The following RUSC2 variants were observed in gnomAD, a reference collection of about 807,000 sequenced individuals.
RUSC2 encodes AP-4 complex accessory subunit RUSC2.
In RUSC2, 34 loss-of-function variants were observed where a neutral mutation model predicts 122.2. That is an observed-to-expected ratio of 0.28 (90% CI 0.21 to 0.37). RUSC2 has a LOEUF of 0.37. RUSC2 is among the 10% of genes least tolerant of loss of function. The probability of loss-of-function intolerance (pLI) is 1.00; values close to 1 mark genes in which losing one functional copy is unlikely to be tolerated. For synonymous variants in RUSC2, 784 were observed against 790.0 expected, an observed-to-expected ratio of 0.99 and a Z score of 0.13; for missense variants, 1,747 against 1,952.4, an observed-to-expected ratio of 0.89 and a Z score of 1.98.
chr9:35,499,646 A>G (rs937399026), intron 1 of RUSC2, among the ~76,000 whole-genome samples: 6 of 152,194 alleles, frequency 3.9e-5, no homozygotes, highest in South Asian at 2.1e-4. Flanking sequence ...TTATCTTAGG[A>G]TCCAAAAAAA....
intron 1 of RUSC2, among the ~76,000 whole-genome samples, chr9:35,494,295 ATC>A (rs898028859): frequency 4.6e-5 from 7 of 152,086 alleles, no homozygotes; most frequent in African/African-American, 1.4e-4. Flanking sequence ...GTAAAACTCC[ATC>A]TCTACTGAAA....
Position 35,555,459 on chromosome 9 carries a change from C to A in RUSC2, c.2414C>A (p.Pro805Gln), listed in dbSNP as rs1466010960. ...GCCTCCACTTCGTGCTCCCCTCCCC[C>A]AGAGCAGCCCACAGCCACAGAAAGC... The part of the protein sequence containing the change: ...SSASTSCSPP[P>Q]EQPTATESLP... Residue 805 changes from proline to glutamine, a missense_variant, in exon 3 of 12, where the codon CCA becomes CAA. Transcript: ENST00000361226. This position sits in a 1 kb window ranked among gnomAD's most constrained non-coding sequence, Gnocchi z 4.6. 2 of 1,614,268 alleles carry A rather than the reference C, an allele frequency of 1.2e-6. No homozygotes were observed. Among genetic ancestry groups the A allele is most frequent in the South Asian group, 1.1e-5 (1 of 91,090 alleles).
chr9:35,558,127 G>GA lies in RUSC2; in HGVS notation c.3061-69dup. The GA allele has an allele frequency of 1.3e-6, 2 of 1,590,916 alleles. No homozygotes were observed. The highest frequency in any genetic ancestry group is 8.6e-7 in the Non-Finnish European group (1 of 1,164,842). ...ATGGGGACGGCAAGAGGGGAACCATGAGGGCCTGCTACGAGAGGACCACAG... is the reference window on the plus strand; with the variant it reads ...ATGGGGACGGCAAGAGGGGAACCATGAAGGGCCTGCTACGAGAGGACCACAG... On this transcript the variant is annotated intron_variant, in intron 6 of 11. Coordinates refer to ENST00000361226, the MANE Select transcript of RUSC2 (RefSeq NM_014806.5). The surrounding 1 kb of genome is among the most constrained non-coding windows in gnomAD (Gnocchi z 4.3).
At chr9:35,531,535 A>G (rs544111147) in intron 1 of RUSC2, among the ~76,000 whole-genome samples, 1 of 152,352 alleles carries the variant, frequency 6.6e-6, no homozygotes, top group East Asian at 1.9e-4. Flanking sequence ...CTCTGGAATC[A>G]GACAGGTCTT....
chr9:35,517,956 A>G (rs1821140996), intron 1 of RUSC2, among the ~76,000 whole-genome samples: 1 of 152,212 alleles, frequency 6.6e-6, no homozygotes, highest in Non-Finnish European at 1.5e-5. Flanking sequence ...GAGCTTTGAG[A>G]GAACAGGTAC....
In RUSC2 at chr9:35,548,399, C is replaced by A. The variant is rs773892257; in HGVS notation, c.1878C>A (p.His626Gln). ...CCACCCAGGTCTGTCAGGGACCCCA[C>A]TCCAGTGAGATGCCTCCTGCTGGCC... ...PWSTQVCQGP[H>Q]SSEMPPAGLR... Residue 626 changes from histidine to glutamine, a missense_variant, in exon 2 of 12, where the codon CAC becomes CAA. Physicochemically the swap from His to Gln is conservative, Grantham distance 24 (BLOSUM62 0). Transcript: ENST00000361226. This position sits in a 1 kb window ranked among gnomAD's most constrained non-coding sequence, Gnocchi z 4.5. 1 of 1,614,082 alleles carries A rather than the reference C, an allele frequency of 6.2e-7. No individual in the cohort carries two copies. Among genetic ancestry groups the A allele is most frequent in the Non-Finnish European group, 8.5e-7 (1 of 1,180,032 alleles).
chr9:35,561,747 TG>T lies in RUSC2; in HGVS notation c.*369del. ...TGGAGATGAGGATGGGTAACAGTATTGGGGCCAGATCCCTAAGCCCCCCAGC... is the reference window on the plus strand; with the variant it reads ...TGGAGATGAGGATGGGTAACAGTATTGGGCCAGATCCCTAAGCCCCCCAGC... On this transcript the variant is annotated 3_prime_UTR_variant, in exon 12 of 12. Transcript: ENST00000361226. 1.8e-6 allele frequency: 1 copy of T among 546,204 alleles called. No individual in the cohort carries two copies. The highest frequency in any genetic ancestry group is 3.2e-6 in the Non-Finnish European group (1 of 309,928). 33.8% of individuals were successfully genotyped at this position (546,204 alleles called of 1,614,324 possible).
rs112943375 is a variant in RUSC2 at position 35,554,056 on chromosome 9, T to A, written c.2015-1004T>A. ...TTCCTAATATGTCAAGTAAGAGAAC[T>A]AATTCCCGCCTCGCAGAGCTACTGA... On this transcript the variant is annotated intron_variant, in intron 2 of 11. Coordinates refer to ENST00000361226, the MANE Select transcript of RUSC2 (RefSeq NM_014806.5). 7.5e-4 allele frequency among the ~76,000 whole-genome samples: 114 copies of A among 152,342 alleles called. 3 individuals carry two copies. The highest frequency in any genetic ancestry group is 2.5e-3 in the African/African-American group (103 of 41,580).
chr9:35,509,514 A>T (rs1820975936), intron 1 of RUSC2, among the ~76,000 whole-genome samples: 1 of 152,130 alleles, frequency 6.6e-6, no homozygotes, highest in African/African-American at 2.4e-5. Context: ...TCCTTTCTAT[A>T]TATTTTCCCG....
rs4878619 is a variant in RUSC2 at position 35,557,209 on chromosome 9, T to C, written c.2984-705T>C. ...AGATGGAGAGAACTGAGCATAATTG[T>C]GGGCTGAAGATGAGCCTGTGAAGAG... On this transcript the variant is annotated intron_variant, in intron 5 of 11. Coordinates refer to ENST00000361226, the MANE Select transcript of RUSC2 (RefSeq NM_014806.5). The surrounding 1 kb of genome is among the most constrained non-coding windows in gnomAD (Gnocchi z 4.6). Among the ~76,000 whole-genome samples the C allele has an allele frequency of 0.2, 30,791 of 152,028 alleles. 3,913 individuals carry two copies. Among genetic ancestry groups the C allele is most frequent in the Non-Finnish European group, 0.28 (18,701 of 67,952 alleles).
At chr9:35,515,034 C>A (rs1821077228) in intron 1 of RUSC2, among the ~76,000 whole-genome samples, 3 of 152,136 alleles carry the variant, frequency 2.0e-5, no homozygotes, top group African/African-American at 7.2e-5. Context: ...TATCAGGGTT[C>A]TGTTAATTTG....
rs1253891463 is a variant in RUSC2 at position 35,548,382 on chromosome 9, G to C, written c.1861G>C (p.Val621Leu). ...PDPSPPWSTQ[V>L]CQGPHSSEMP... ...CCCAAGTCCACCCTGGTCCACCCAGGTCTGTCAGGGACCCCACTCCAGTGA... is the reference window on the plus strand; with the variant it reads ...CCCAAGTCCACCCTGGTCCACCCAGCTCTGTCAGGGACCCCACTCCAGTGA... Residue 621 changes from valine to leucine, a missense_variant, in exon 2 of 12, where the codon GTC becomes CTC. Transcript: ENST00000361226. This position sits in a 1 kb window ranked among gnomAD's most constrained non-coding sequence, Gnocchi z 4.5. 1 of 1,614,028 alleles carries C rather than the reference G, an allele frequency of 6.2e-7. No homozygotes were observed. Among genetic ancestry groups the C allele is most frequent in the Non-Finnish European group, 8.5e-7 (1 of 1,180,028 alleles).
Position 35,549,256 on chromosome 9 carries a change from T to TAAC in RUSC2, c.2014+732_2014+734dup, listed in dbSNP as rs1221013588. On this transcript the variant is annotated intron_variant, in intron 2 of 11. Coordinates refer to ENST00000361226, the MANE Select transcript of RUSC2 (RefSeq NM_014806.5). ...CTAAGGGGCAACCAAGGGATATGTC[T>TAAC]AACAACAACAACACACACACACTGG... The TAAC allele has an allele frequency of 8.2e-6, 8 of 973,848 alleles. No homozygotes were observed. In the African/African-American group the frequency reaches 1.4e-4, roughly 17 times the overall value. 60.3% of individuals were successfully genotyped at this position (973,848 alleles called of 1,614,324 possible).
At chr9:35,495,922 A>G (rs2132487330) in intron 1 of RUSC2, among the ~76,000 whole-genome samples, 1 of 152,122 alleles carries the variant, frequency 6.6e-6, no homozygotes, top group South Asian at 2.1e-4. Context: ...ATTCTTTTTG[A>G]TGTTACTGTA....
At chr9:35,528,139 G>A (rs1421573802) in intron 1 of RUSC2, among the ~76,000 whole-genome samples, 1 of 152,098 alleles carries the variant, frequency 6.6e-6, no homozygotes, top group African/African-American at 2.4e-5. Flanking sequence ...TAATCCCAGC[G>A]CTTTGGAAGG....
At chr9:35,531,984 C>A (rs1821429373) in intron 1 of RUSC2, among the ~76,000 whole-genome samples, 1 of 152,186 alleles carries the variant, frequency 6.6e-6, no homozygotes, top group African/African-American at 2.4e-5. Context: ...AGAGATCATG[C>A]CACTGCACTC....
rs1454363454 is a variant in RUSC2 at position 35,560,859 on chromosome 9, C to G, written c.4211+8C>G. 1 of 1,547,442 alleles carries G rather than the reference C, an allele frequency of 6.5e-7. No individual in the cohort carries two copies. Among genetic ancestry groups the G allele is most frequent in the Admixed American group, 2.0e-5 (1 of 50,330 alleles). On this transcript the variant is annotated splice_region_variant and intron_variant, in intron 10 of 11. Coordinates refer to ENST00000361226, the MANE Select transcript of RUSC2 (RefSeq NM_014806.5). ...GGCCCGGCCCACAAATAGGTGAGAG[C>G]CTGCCCATGGTAGGGATGGAGGGAG...
rs544797957 is a variant in RUSC2 at position 35,515,999 on chromosome 9, C to CAAAAAAAAAAAAAAAAAA, written c.-93+25834_-93+25851dup. On this transcript the variant is annotated intron_variant, in intron 1 of 11. Transcript: ENST00000361226. ...GAGCGACACAGCGAGATTCTTGTCT[C>CAAAAAAAAAAAAAAAAAA]AAAAAAAAAAAAAAAAAAAAAAAAG... Among the ~76,000 whole-genome samples, 31 of 47,196 alleles carry CAAAAAAAAAAAAAAAAAA rather than the reference C, an allele frequency of 6.6e-4. 2 individuals carry two copies. The highest frequency in any genetic ancestry group is 0.019 in the Middle Eastern group (1 of 52). The allele number at this position is 47,196 out of a possible 152,430, so 31.0% of individuals were successfully genotyped here. A position where few individuals can be genotyped will look rare whatever the true frequency, so the allele number is the denominator to read the frequency against.
chr9:35,547,775 T>G lies in RUSC2; in HGVS notation c.1254T>G (p.Thr418=), dbSNP rs1284883769. Residue 418 remains threonine (T), a synonymous_variant, in exon 2 of 12, where the codon ACT becomes ACG. Coordinates refer to ENST00000361226, the MANE Select transcript of RUSC2 (RefSeq NM_014806.5). The surrounding 1 kb of genome is among the most constrained non-coding windows in gnomAD (Gnocchi z 4.6). ...CAAGCCCTGCTGGCTCTTCCATCAC[T>G]AGCTGCTCTGAGGAACACACCAAGA... is the stretch of plus-strand genomic sequence containing the variant. The part of the protein sequence containing the change: ...SSPSPAGSSI[T]SCSEEHTKIS... 7.4e-6 allele frequency: 12 copies of G among 1,614,142 alleles called. No individual in the cohort carries two copies. The highest frequency in any genetic ancestry group is 9.3e-6 in the Non-Finnish European group (11 of 1,180,038).
Sources: allele counts gnomAD v4.1 joint callset (sites outside exome capture counted in the v4.1 genomes callset), GRCh38; gene constraint gnomAD v4.1.1; non-coding constraint Gnocchi (gnomAD v3.1); transcripts MANE v1.5; gene names NCBI Gene and HGNC (gene_info 2026-07-23, HGNC 2026-07-21).